Variants in KCNQ1 observed in about 807,000 individuals in gnomAD.
KCNQ1 encodes potassium voltage-gated channel subfamily KQT member 1.
Under a neutral mutation model 72.4 loss-of-function variants are expected in KCNQ1, and 49 were observed. The ratio of observed to expected loss-of-function variants is 0.68; its 90% CI spans 0.54 to 0.86. The LOEUF is 0.86. KCNQ1 is among the 40% of genes least tolerant of loss of function. KCNQ1 has a pLI of 0.00. For missense variants in KCNQ1, 790 were observed against 945.1 expected (o/e 0.84, Z 2.15); for synonymous variants, 450 against 412.6 (o/e 1.09, Z -1.10).
chr11:2,517,809 A>T (rs57526706), intron 1 of KCNQ1, among the ~76,000 whole-genome samples: 3,431 of 152,208 alleles, frequency 0.023, 110 homozygotes, highest in African/African-American at 0.071. Context: ...GTCAGAGCCC[A>T]CCCCAGGAGG....
Position 2,769,836 on chromosome 11 carries a change from G to A in KCNQ1, c.1590+917G>A, listed in dbSNP as rs1178735372. ...GGGGCTTCTGAGCTGGGGGCCCCTGGCACCTCAGCCACAGCCTCACCAGTC... is the reference window on the plus strand; with the variant it reads ...GGGGCTTCTGAGCTGGGGGCCCCTGACACCTCAGCCACAGCCTCACCAGTC... On this transcript the variant is annotated intron_variant, in intron 12 of 15. Coordinates refer to ENST00000155840, the MANE Select transcript of KCNQ1 (RefSeq NM_000218.3). This position sits in a 1 kb window ranked among gnomAD's most constrained non-coding sequence, Gnocchi z 4.6. Among the ~76,000 whole-genome samples the A allele has an allele frequency of 1.3e-5, 2 of 152,046 alleles. No homozygotes were observed. Among genetic ancestry groups the A allele is most frequent in the African/African-American group, 4.8e-5 (2 of 41,366 alleles).
chr11:2,483,702 G>A lies in KCNQ1; in HGVS notation c.386+38218G>A, dbSNP rs560313478. On this transcript the variant is annotated intron_variant, in intron 1 of 15. Coordinates refer to ENST00000155840, the MANE Select transcript of KCNQ1 (RefSeq NM_000218.3). The surrounding 1 kb of genome is among the most constrained non-coding windows in gnomAD (Gnocchi z 6.1). ...ATTGTGCATTTTTGGCAAGAACACC[G>A]CGGGAGTGTTGTTGGGTCCCGAGGA... Among the ~76,000 whole-genome samples, 69 of 152,270 alleles carry A rather than the reference G, an allele frequency of 4.5e-4. No homozygotes were observed. The highest frequency in any genetic ancestry group is 1.5e-3 in the African/African-American group (62 of 41,564).
intron 6 of KCNQ1, among the ~76,000 whole-genome samples, chr11:2,576,966 G>A (rs959636403): frequency 3.3e-5 from 5 of 152,220 alleles, no homozygotes; most frequent in African/African-American, 7.2e-5. Flanking sequence ...GGCAGAGTAC[G>A]CACCTGCTGT....
At position 2,762,558 on chromosome 11, in the gene KCNQ1, G is replaced by A. The variant is rs373483128; in HGVS notation, c.1515-6286G>A. 1.3e-5 allele frequency among the ~76,000 whole-genome samples: 2 copies of A among 152,176 alleles called. No homozygotes were observed. Among genetic ancestry groups the A allele is most frequent in the African/African-American group, 4.8e-5 (2 of 41,432 alleles). On this transcript the variant is annotated intron_variant, in intron 11 of 15. Coordinates refer to ENST00000155840, the MANE Select transcript of KCNQ1 (RefSeq NM_000218.3). The surrounding 1 kb of genome is among the most constrained non-coding windows in gnomAD (Gnocchi z 4.3). Reference sequence around the variant, plus strand: ...AATGTCCTATTCCACGGGTCCCCAGGCCACAGACCGGTACCCATCCATAGA... The same window carrying A: ...AATGTCCTATTCCACGGGTCCCCAGACCACAGACCGGTACCCATCCATAGA...
At chr11:2,597,976 T>C (rs1848755019) in intron 10 of KCNQ1, among the ~76,000 whole-genome samples, 1 of 152,146 alleles carries the variant, frequency 6.6e-6, no homozygotes, top group South Asian at 2.1e-4. Context: ...TTTTTCTTAA[T>C]CAAGCACATG....
At chr11:2,655,298 T>C (rs912588928) in intron 10 of KCNQ1, 1 of 398,508 alleles carries the variant, frequency 2.5e-6, no homozygotes, top group Non-Finnish European at 4.4e-6. Flanking sequence ...CCCTGAAAAT[T>C]TAGGCCCAGA....
intron 11 of KCNQ1, among the ~76,000 whole-genome samples, chr11:2,730,269 C>T (rs565455403): frequency 1.3e-5 from 2 of 152,326 alleles, no homozygotes; most frequent in Admixed American, 6.5e-5. Flanking sequence ...TGAGAGGGAC[C>T]ATTTTAGCTT....
intron 15 of KCNQ1, among the ~76,000 whole-genome samples, chr11:2,793,062 G>A (rs906321204): frequency 2.6e-5 from 4 of 152,338 alleles, no homozygotes; most frequent in South Asian, 4.1e-4. Context: ...TGAACACCCC[G>A]TCAGGGCAGG....
At chr11:2,460,808 T>G (rs1846266253) in intron 1 of KCNQ1, among the ~76,000 whole-genome samples, 3 of 152,232 alleles carry the variant, frequency 2.0e-5, no homozygotes. Flanking sequence ...GATCTCTCTC[T>G]GGCCCCAAAG....
In KCNQ1 at chr11:2,611,200, C is replaced by G. The variant is rs11023461; in HGVS notation, c.1393+22346C>G. The G allele has an allele frequency of 0.07, 27,850 of 398,172 alleles. 1,142 individuals carry two copies. Among genetic ancestry groups the G allele is most frequent in the Admixed American group, 0.12 (2,709 of 22,688 alleles). 24.7% of individuals were successfully genotyped at this position (398,172 alleles called of 1,614,324 possible). On this transcript the variant is annotated intron_variant, in intron 10 of 15. Transcript: ENST00000155840. This position sits in a 1 kb window ranked among gnomAD's most constrained non-coding sequence, Gnocchi z 5.3. ...TAATAACATGGTTTGTTTTTAAAGT[C>G]TATTTTGTCTGATTTTATTTATTTT...
At chr11:2,480,951 C>T (rs138352257) in intron 1 of KCNQ1, among the ~76,000 whole-genome samples, 114 of 152,292 alleles carry the variant, frequency 7.5e-4, no homozygotes, top group Non-Finnish European at 1.1e-3. Context: ...GTGTAGAAAC[C>T]GCAGGCAAGT....
intron 11 of KCNQ1, chr11:2,684,896 T>C (rs1218474401): frequency 1.0e-5 from 4 of 398,538 alleles, no homozygotes; most frequent in Non-Finnish European, 1.3e-5. Flanking sequence ...TTTCACTACA[T>C]CATAAGGTAG....
Position 2,536,757 on chromosome 11 carries a change from G to C in KCNQ1, c.477+8739G>C, listed in dbSNP as rs1026122882. 3.3e-5 allele frequency among the ~76,000 whole-genome samples: 5 copies of C among 152,156 alleles called. No individual in the cohort carries two copies. Among genetic ancestry groups the C allele is most frequent in the Admixed American group, 1.3e-4 (2 of 15,292 alleles). On this transcript the variant is annotated intron_variant, in intron 2 of 15. Coordinates refer to ENST00000155840, the MANE Select transcript of KCNQ1 (RefSeq NM_000218.3). This position sits in a 1 kb window ranked among gnomAD's most constrained non-coding sequence, Gnocchi z 7.4. ...GGTCGCGAGAGTCGACCTGGGCTGCGTGATGGGGGACCCCAGGCTGGGCGG... is the reference window on the plus strand; with the variant it reads ...GGTCGCGAGAGTCGACCTGGGCTGCCTGATGGGGGACCCCAGGCTGGGCGG...
At chr11:2,605,227 C>G (rs1589977385) in intron 10 of KCNQ1, among the ~76,000 whole-genome samples, 1 of 152,084 alleles carries the variant, frequency 6.6e-6, no homozygotes, top group South Asian at 2.1e-4. Context: ...ATATTTTCTC[C>G]CATCTGTAGG....
At chr11:2,831,778 A>C (rs1223657760) in intron 15 of KCNQ1, among the ~76,000 whole-genome samples, 1 of 143,220 alleles carries the variant, frequency 7.0e-6, no homozygotes, top group Non-Finnish European at 1.5e-5. Context: ...CCCCCACCAG[A>C]GCCCTGGAAG....
At position 2,600,605 on chromosome 11, in the gene KCNQ1, C is replaced by T. The variant is rs952007410; in HGVS notation, c.1393+11751C>T. 1.3e-5 allele frequency among the ~76,000 whole-genome samples: 2 copies of T among 152,170 alleles called. No homozygotes were observed. The highest frequency in any genetic ancestry group is 2.4e-5 in the African/African-American group (1 of 41,436). On this transcript the variant is annotated intron_variant, in intron 10 of 15. Transcript: ENST00000155840. The surrounding 1 kb of genome is among the most constrained non-coding windows in gnomAD (Gnocchi z 5.6). ...TTGAAAGCAGTAATACAGTTATTGA[C>T]TTCTGCAATTAAACATCAATATAAT...
At chr11:2,618,762 A>T (rs190032445) in intron 10 of KCNQ1, 1 of 398,356 alleles carries the variant, frequency 2.5e-6, no homozygotes. Flanking sequence ...CAATCTGTAT[A>T]TTGATTTGGA....
intron 11 of KCNQ1, among the ~76,000 whole-genome samples, chr11:2,730,917 C>T (rs1845848467): frequency 6.6e-6 from 1 of 152,184 alleles, no homozygotes; most frequent in Non-Finnish European, 1.5e-5. Flanking sequence ...AGAGGCTGCC[C>T]CCAGCTGAAC....
chr11:2,560,915 C>T (rs1848154743), intron 2 of KCNQ1, among the ~76,000 whole-genome samples: 1 of 152,034 alleles, frequency 6.6e-6, no homozygotes, highest in Admixed American at 6.5e-5. Context: ...TGCGCGGTGC[C>T]CTGCAGGACA....
Sources: allele counts gnomAD v4.1 joint callset (sites outside exome capture counted in the v4.1 genomes callset), GRCh38; gene constraint gnomAD v4.1.1; non-coding constraint Gnocchi (gnomAD v3.1); transcripts MANE v1.5; gene names NCBI Gene and HGNC (gene_info 2026-07-23, HGNC 2026-07-21).